The following NIPBL variants were observed in gnomAD, a reference collection of about 807,000 sequenced individuals.
NIPBL encodes the protein NIPBL cohesin loading factor, also known as nipped-B-like protein.
NIPBL carries 19 observed loss-of-function variants against 321.8 expected under a neutral mutation model. That is an observed-to-expected ratio of 0.06 (90% CI 0.04 to 0.09). The LOEUF is 0.09. Among genes scored for constraint, NIPBL ranks in the 10% least tolerant of loss-of-function variants. The pLI is 1.00. For synonymous variants in NIPBL, 1,106 were observed against 1,114.1 expected (o/e 0.99, Z 0.14); for missense variants, 2,210 against 3,327.0 (o/e 0.66, Z 8.26).
In NIPBL at chr5:36,972,007, A is replaced by T. The variant is rs377714862; in HGVS notation, c.834A>T (p.Val278=). Residue 278 remains valine (V), a synonymous_variant, in exon 8 of 47, where the codon GTA becomes GTT. Coordinates refer to ENST00000282516, the MANE Select transcript of NIPBL (RefSeq NM_133433.4). ...TTCCCTTGAGATCTCCACAGCCAGT[A>T]TGCTCCCCTGCTGGAAGTGAAGGAA... ...ASFPLRSPQP[V]CSPAGSEGTP... The T allele has an allele frequency of 1.2e-5, 20 of 1,613,388 alleles. No individual in the cohort carries two copies. In the African/African-American group the frequency reaches 2.7e-4, roughly 22 times the overall value.
intron 32 of NIPBL, among the ~76,000 whole-genome samples, chr5:37,032,145 C>G (rs1203905420): frequency 1.3e-5 from 2 of 152,146 alleles, no homozygotes; most frequent in Non-Finnish European, 2.9e-5. Context: ...CCAGATGATT[C>G]AGATATAAGT....
At chr5:36,956,693 C>T (rs1283357131) in intron 3 of NIPBL, among the ~76,000 whole-genome samples, 5 of 132,048 alleles carry the variant, frequency 3.8e-5, no homozygotes, top group African/African-American at 8.9e-5. Flanking sequence ...GGTGCGATCT[C>T]GGCTCACTGC....
chr5:36,968,100 AAAAAAAAAAAAC>A (rs1742423668), intron 6 of NIPBL, among the ~76,000 whole-genome samples: 1 of 148,550 alleles, frequency 6.7e-6, no homozygotes, highest in Non-Finnish European at 1.5e-5. Context: ...TGTCTCAAAA[AAAAAAAAAAAAC>A]AAAAAACAAA....
chr5:36,991,144 T>C (rs1210369801), intron 10 of NIPBL, among the ~76,000 whole-genome samples: 2 of 152,096 alleles, frequency 1.3e-5, no homozygotes, highest in African/African-American at 4.8e-5. Flanking sequence ...GTTTTCTGGC[T>C]GTAATGTATC....
At chr5:37,062,326 C>G (rs1362452752) in intron 45 of NIPBL, among the ~76,000 whole-genome samples, 3 of 152,056 alleles carry the variant, frequency 2.0e-5, no homozygotes, top group Admixed American at 6.6e-5. Context: ...CTGTTCCTTT[C>G]TTTTCTGATA....
intron 1 of NIPBL, among the ~76,000 whole-genome samples, chr5:36,898,408 A>G (rs1377079854): frequency 6.6e-6 from 1 of 152,152 alleles, no homozygotes; most frequent in African/African-American, 2.4e-5. Context: ...CATGAGATAG[A>G]TATTTTTGAG....
At position 36,877,098 on chromosome 5, in the gene NIPBL, AC is replaced by A. The variant is rs567891305; in HGVS notation, c.-153del. 1.3e-4 allele frequency: 40 copies of A among 319,024 alleles called. No individual in the cohort carries two copies. The highest frequency in any genetic ancestry group is 1.7e-4 in the Non-Finnish European group (31 of 178,742). The allele number at this position is 319,024 out of a possible 1,614,324, so 19.8% of individuals were successfully genotyped here. ...AGGAGACGGAAGAGGAGCCGTAGCC[AC>A]CCCCCCTCCCGGCCCGGATTATAGT... On this transcript the variant is annotated 5_prime_UTR_variant, in exon 1 of 47. It removes the in-frame stop codon of an upstream open reading frame in the 5' UTR. Transcript: ENST00000282516.
chr5:36,927,655 G>A (rs1749464887), intron 1 of NIPBL, among the ~76,000 whole-genome samples: 1 of 152,206 alleles, frequency 6.6e-6, no homozygotes, highest in Non-Finnish European at 1.5e-5. Context: ...ATCAAAATTA[G>A]GAGTATTGTA....
intron 45 of NIPBL, among the ~76,000 whole-genome samples, chr5:37,063,333 T>C (rs1227108815): frequency 1.3e-5 from 2 of 152,240 alleles, no homozygotes; most frequent in South Asian, 2.1e-4. Flanking sequence ...AGTTCTTATT[T>C]AAAATTTTTC....
intron 29 of NIPBL, 34 bp downstream of exon 29, chr5:37,022,424 A>G (rs368342693): frequency 1.1e-4 from 180 of 1,572,344 alleles, no homozygotes; most frequent in Middle Eastern, 6.0e-4. Flanking sequence ...ATTCGTGAAT[A>G]TAATTTTGCC....
chr5:37,000,397 A>G lies in NIPBL; in HGVS notation c.3329A>G (p.Asp1110Gly). The change falls in exon 12 of 47, where the codon GAT becomes GGT. Residue 1110 changes from aspartate (D) to glycine (G), a missense_variant. Coordinates refer to ENST00000282516, the MANE Select transcript of NIPBL (RefSeq NM_133433.4). ...GCCTCTAGGAAACGACATAAAAAAG[A>G]TGATGATAAAGCTTGGGAATATGAA... ...FESSRKRHKKDDDKAWEYEER... is the reference protein window; with the variant it reads ...FESSRKRHKKGDDKAWEYEER... The G allele has an allele frequency of 6.2e-7, 1 of 1,613,094 alleles. No homozygotes were observed. Among genetic ancestry groups the G allele is most frequent in the Non-Finnish European group, 8.5e-7 (1 of 1,179,322 alleles).
intron 1 of NIPBL, among the ~76,000 whole-genome samples, chr5:36,893,042 T>C (rs1019400578): frequency 3.9e-5 from 6 of 152,232 alleles, no homozygotes; most frequent in African/African-American, 1.4e-4. Context: ...ATATTGACTA[T>C]ATTCTTGTGA....
chr5:36,935,892 C>T (rs1473941007), intron 1 of NIPBL, among the ~76,000 whole-genome samples: 1 of 151,986 alleles, frequency 6.6e-6, no homozygotes, highest in Non-Finnish European at 1.5e-5. Flanking sequence ...TACATGGCTC[C>T]CTTTGTGTGT....
intron 1 of NIPBL, chr5:36,885,790 G>A: frequency 1.6e-6 from 1 of 629,504 alleles, no homozygotes; most frequent in Non-Finnish European, 3.0e-6. Context: ...GTGTCACTTG[G>A]CTGTAGCTAG....
At chr5:36,885,811 C>G (rs185638299) in intron 1 of NIPBL, 1 of 649,140 alleles carries the variant, frequency 1.5e-6, no homozygotes, top group African/African-American at 1.8e-5. Context: ...AGACAGACAT[C>G]GAGGCTCTCA....
intron 34 of NIPBL, among the ~76,000 whole-genome samples, chr5:37,041,264 T>G (rs923563256): frequency 8.0e-6 from 1 of 125,112 alleles, no homozygotes; most frequent in African/African-American, 3.3e-5. Flanking sequence ...TTTTTTTTTT[T>G]TTTTTTTTTT....
chr5:36,967,870 C>T (rs779360717), intron 6 of NIPBL, among the ~76,000 whole-genome samples: 19 of 151,908 alleles, frequency 1.3e-4, no homozygotes, highest in Non-Finnish European at 2.2e-4. Flanking sequence ...GAGGCCAGAA[C>T]GGGCAGATTG....
At chr5:37,022,971 C>T (rs1749820649) in intron 29 of NIPBL, among the ~76,000 whole-genome samples, 1 of 152,172 alleles carries the variant, frequency 6.6e-6, no homozygotes, top group South Asian at 2.1e-4. Context: ...TGAAAGGAAA[C>T]ATTGGCATTA....
At chr5:37,057,434 A>G in intron 43 of NIPBL, 102 bp downstream of exon 43, 1 of 1,181,846 alleles carries the variant, frequency 8.5e-7, no homozygotes, top group Non-Finnish European at 1.2e-6. Flanking sequence ...CTTCACGAGT[A>G]TATAAAATCT....
Sources: gnomAD v4.1 joint callset for allele counts (sites outside exome capture counted in the v4.1 genomes callset) on GRCh38, gnomAD v4.1.1 for gene constraint, MANE v1.5 for transcripts, NCBI Gene and HGNC (gene_info 2026-07-23, HGNC 2026-07-21) for gene names.